The following STXBP3 variants were observed in gnomAD, a reference collection of about 807,000 sequenced individuals.
STXBP3 encodes syntaxin-binding protein 3.
Under a neutral mutation model 85.7 loss-of-function variants are expected in STXBP3, and 41 were observed. The observed-to-expected ratio is 0.48, with a 90% CI of 0.37 to 0.62. The LOEUF (loss-of-function observed/expected upper bound fraction) is 0.62. Ranked by LOEUF, STXBP3 falls within the 20% of genes least tolerant of loss-of-function variation. STXBP3 has a pLI of 0.00. For missense variants in STXBP3, 563 were observed against 703.1 expected (o/e 0.80, Z 2.25); for synonymous variants, 229 against 231.7 (o/e 0.99, Z 0.10).
intron 16 of STXBP3, among the ~76,000 whole-genome samples, chr1:108,798,442 G>A (rs960381619): frequency 7.4e-6 from 1 of 135,844 alleles, no homozygotes; most frequent in African/African-American, 2.7e-5. Flanking sequence ...TTGAGACAGA[G>A]TGTCACTCTA....
At chr1:108,793,157 ATTTTTTTTTTT>A (rs745652259) in intron 11 of STXBP3, among the ~76,000 whole-genome samples, 1 of 67,508 alleles carries the variant, frequency 1.5e-5, no homozygotes, top group Non-Finnish European at 2.7e-5. Context: ...TCTTATCTCC[ATTTTTTTTTTT>A]TTTTTTTTTT....
chr1:108,758,725 A>G (rs374530626), intron 5 of STXBP3, 137 bp downstream of exon 5: 9 of 405,112 alleles, frequency 2.2e-5, no homozygotes, highest in African/African-American at 1.2e-4. Flanking sequence ...GTGATTTTCT[A>G]TTTATCATTT....
chr1:108,762,880 T>C (rs1485772635), intron 6 of STXBP3, among the ~76,000 whole-genome samples: 1 of 152,234 alleles, frequency 6.6e-6, no homozygotes, highest in Non-Finnish European at 1.5e-5. Context: ...ATAACTACTT[T>C]TGCCAAAATC....
chr1:108,807,329 A>T lies in STXBP3; in HGVS notation c.1536-72A>T. On this transcript the variant is annotated intron_variant, in intron 17 of 18. Transcript: ENST00000370008. ...TGAGTTTGGTTGAGTTAGGCTTTTT[A>T]AGTCTACAAGCATTATGGCTTTGGA... The T allele has an allele frequency of 2.1e-6, 3 of 1,448,372 alleles. No individual in the cohort carries two copies. The South Asian group carries it at 3.9e-5, about 19-fold the overall frequency. 89.7% of individuals were successfully genotyped at this position (1,448,372 alleles called of 1,614,324 possible).
intron 17 of STXBP3, among the ~76,000 whole-genome samples, chr1:108,804,014 G>T (rs1443357974): frequency 6.6e-6 from 1 of 151,826 alleles, no homozygotes; most frequent in Non-Finnish European, 1.5e-5. Flanking sequence ...TTTTGTCCTC[G>T]GTTCTGTATA....
chr1:108,795,621 TG>T (rs1360020012), intron 13 of STXBP3, among the ~76,000 whole-genome samples: 1 of 152,226 alleles, frequency 6.6e-6, no homozygotes, highest in African/African-American at 2.4e-5. Flanking sequence ...CCTGGTGTTT[TG>T]TACCTACAGC....
chr1:108,752,433 G>T, intron 2 of STXBP3, 127 bp downstream of exon 2: 1 of 812,066 alleles, frequency 1.2e-6, no homozygotes, highest in Non-Finnish European at 1.9e-6. Flanking sequence ...ATAATTTGAC[G>T]TATGTGGGAG....
intron 13 of STXBP3, 82 bp from the exon 14 acceptor site, chr1:108,796,152 T>G: frequency 6.7e-7 from 1 of 1,481,804 alleles, no homozygotes. Context: ...CGTGAGCCAC[T>G]GTACCCAGCC....
rs187214641 is a variant in STXBP3, at chr1:108,754,546, A to T, written c.181+1402A>T. Among the ~76,000 whole-genome samples the T allele has an allele frequency of 2.6e-4, 39 of 152,302 alleles. No individual in the cohort carries two copies. The East Asian group carries it at 7.3e-3, about 29-fold the overall frequency. ...TGAGAACCATTTGATAATACATAAA[A>T]GTTCTGTGGAACTGCAGAGCCATTA... is the stretch of plus-strand genomic sequence containing the variant. On this transcript the variant is annotated intron_variant, in intron 3 of 18. Coordinates refer to ENST00000370008, the MANE Select transcript of STXBP3 (RefSeq NM_007269.4).
intron 11 of STXBP3, among the ~76,000 whole-genome samples, chr1:108,788,758 T>C (rs752471509): frequency 1.1e-4 from 17 of 152,126 alleles, no homozygotes; most frequent in Non-Finnish European, 1.9e-4. Flanking sequence ...TATTCCCCTA[T>C]ATATTATTAA....
At chr1:108,766,419 T>G (rs924309058) in intron 6 of STXBP3, among the ~76,000 whole-genome samples, 18 of 152,194 alleles carry the variant, frequency 1.2e-4, no homozygotes, top group African/African-American at 4.3e-4. Context: ...AGTCTCTATG[T>G]TTTAGAATAG....
At chr1:108,749,751 A>C (rs1661863551) in intron 1 of STXBP3, among the ~76,000 whole-genome samples, 1 of 152,134 alleles carries the variant, frequency 6.6e-6, no homozygotes, top group Admixed American at 6.6e-5. Flanking sequence ...AGGTATCTTC[A>C]GATTCTTTTT....
intron 16 of STXBP3, among the ~76,000 whole-genome samples, chr1:108,799,177 C>T (rs956967551): frequency 2.0e-5 from 3 of 152,176 alleles, no homozygotes; most frequent in Non-Finnish European, 4.4e-5. Context: ...CAGTGCATAA[C>T]TATGATTTCT....
Position 108,800,271 on chromosome 1 carries a change from T to C in STXBP3, c.1501T>C (p.Cys501Arg). 6.2e-7 allele frequency: 1 copy of C among 1,612,518 alleles called. No individual in the cohort carries two copies. The highest frequency in any genetic ancestry group is 8.5e-7 in the Non-Finnish European group (1 of 1,178,686). ...DSKEWPYCSQ[C>R]PAVWNGSGAV... is the part of the protein sequence containing the mutation. ...AAAAGAATGGCCATATTGTTCCCAGTGTCCAGCAGTATGGAATGGTTCAGG... is the reference window on the plus strand; with the variant it reads ...AAAAGAATGGCCATATTGTTCCCAGCGTCCAGCAGTATGGAATGGTTCAGG... The change falls in exon 17 of 19, where the codon TGT becomes CGT. Residue 501 changes from cysteine to arginine, a missense_variant. This residue lies in a region of STXBP3 where 494 missense variants were observed against 592.8 expected (regional missense o/e 0.83). Transcript: ENST00000370008.
chr1:108,778,289 C>T (rs558099243), intron 8 of STXBP3, among the ~76,000 whole-genome samples: 1 of 152,182 alleles, frequency 6.6e-6, no homozygotes, highest in South Asian at 2.1e-4. Flanking sequence ...GAATTTATTA[C>T]TTTTTAAAAT....
chr1:108,771,503 ATG>A (rs1254414625), intron 6 of STXBP3, among the ~76,000 whole-genome samples: 3 of 95,176 alleles, frequency 3.2e-5, no homozygotes, highest in Non-Finnish European at 5.7e-5. Flanking sequence ...ATAAATATAT[ATG>A]ATATATAAAT....
intron 1 of STXBP3, among the ~76,000 whole-genome samples, chr1:108,751,576 A>G (rs1250563471): frequency 6.6e-6 from 1 of 152,060 alleles, no homozygotes; most frequent in South Asian, 2.1e-4. Context: ...ATGTATTACT[A>G]CCGATTTTAA....
intron 11 of STXBP3, among the ~76,000 whole-genome samples, chr1:108,783,968 T>G (rs1322920647): frequency 6.9e-6 from 1 of 145,586 alleles, no homozygotes; most frequent in Non-Finnish European, 1.5e-5. Context: ...GAAGGTCTTT[T>G]GCCCATTTTT....
intron 3 of STXBP3, 91 bp downstream of exon 3, chr1:108,753,235 A>T (rs1200652020): frequency 3.6e-6 from 3 of 841,904 alleles, no homozygotes; most frequent in Non-Finnish European, 5.2e-6. Context: ...GTTTCTAAGG[A>T]GCTTATTTTT....
Sources: gnomAD v4.1 joint callset for allele counts (sites outside exome capture counted in the v4.1 genomes callset) on GRCh38, gnomAD v4.1.1 for gene constraint, gnomAD v4.1.1 regional missense constraint, MANE v1.5 for transcripts, NCBI Gene and HGNC (gene_info 2026-07-23, HGNC 2026-07-21) for gene names.